USP31: variants seen among roughly 807,000 people sequenced by gnomAD.
The protein encoded by USP31 is ubiquitin carboxyl-terminal hydrolase 31.
USP31 carries 44 observed loss-of-function variants against 119.4 expected under a neutral mutation model. That is an observed-to-expected ratio of 0.37 (90% CI 0.29 to 0.47). The LOEUF is 0.47. Among genes scored for constraint, USP31 ranks in the 20% least tolerant of loss-of-function variants. USP31 has a pLI of 0.99. For synonymous variants in USP31, 749 were observed against 705.6 expected (o/e 1.06, Z -0.97); for missense variants, 1,643 against 1,730.2 (o/e 0.95, Z 0.89).
chr16:23,122,057 T>C (rs888772660), intron 1 of USP31, among the ~76,000 whole-genome samples: 1 of 152,200 alleles, frequency 6.6e-6, no homozygotes, highest in African/African-American at 2.4e-5. Flanking sequence ...GATATATGGT[T>C]TGATATCAAT....
At chr16:23,081,307 C>G (rs893349640) in intron 12 of USP31, among the ~76,000 whole-genome samples, 29 of 152,210 alleles carry the variant, frequency 1.9e-4, no homozygotes, top group African/African-American at 6.8e-4. Context: ...CCTCAGCCAG[C>G]TTTCCACCTG....
chr16:23,106,595 T>C, intron 2 of USP31, 108 bp from the exon 3 acceptor site: 2 of 1,140,588 alleles, frequency 1.8e-6, no homozygotes, highest in East Asian at 2.5e-5. Context: ...AAGCTATGCA[T>C]CAAGTGCAGA....
At chr16:23,117,724 TCTA>T (rs1902536448) in intron 1 of USP31, among the ~76,000 whole-genome samples, 1 of 151,992 alleles carries the variant, frequency 6.6e-6, no homozygotes. Context: ...AAGTTCTCAT[TCTA>T]CTACGTTTGA....
chr16:23,093,794 G>T (rs1567233268), intron 6 of USP31, among the ~76,000 whole-genome samples: 2 of 152,206 alleles, frequency 1.3e-5, no homozygotes, highest in Non-Finnish European at 2.9e-5. Context: ...CCCATCAATA[G>T]ATTAGTGGAT....
Position 23,065,977 on chromosome 16 carries a change from T to G in USP31, c.*2069A>C, listed in dbSNP as rs1900050701. ...TGATCTCTTATTTGGTGCATCTTTT[T>G]CAGGAGATAAAAGCGATACAGAAAA... is the stretch of plus-strand genomic sequence containing the variant. On this transcript the variant is annotated 3_prime_UTR_variant, in exon 16 of 16. Coordinates refer to ENST00000219689, the MANE Select transcript of USP31 (RefSeq NM_020718.4). The G allele has an allele frequency of 6.6e-6, 1 of 152,198 alleles. No individual in the cohort carries two copies. Among genetic ancestry groups the G allele is most frequent in the Admixed American group, 6.5e-5 (1 of 15,290 alleles). The allele number at this position is 152,198 out of a possible 1,614,324, so 9.4% of individuals were successfully genotyped here.
chr16:23,071,706 C>A (rs1235018941), intron 15 of USP31, among the ~76,000 whole-genome samples: 1 of 150,254 alleles, frequency 6.7e-6, no homozygotes, highest in Admixed American at 6.6e-5. Flanking sequence ...CACAATCTCT[C>A]TGAGCCTCTT....
chr16:23,098,616 A>C (rs990979109), intron 6 of USP31, among the ~76,000 whole-genome samples: 2 of 152,244 alleles, frequency 1.3e-5, no homozygotes, highest in Non-Finnish European at 2.9e-5. Flanking sequence ...ACTGGTACCA[A>C]CACAGAGATA....
chr16:23,083,272 A>G (rs960541326), intron 11 of USP31, among the ~76,000 whole-genome samples: 1 of 152,100 alleles, frequency 6.6e-6, no homozygotes, highest in African/African-American at 2.4e-5. Context: ...TACTGGCTTC[A>G]TTTCTGTTTG....
At position 23,148,755 on chromosome 16, in the gene USP31, C is replaced by T. The variant is rs1903610368; in HGVS notation, c.516G>A (p.Pro172=). 2 of 1,511,534 alleles carry T rather than the reference C, an allele frequency of 1.3e-6. No homozygotes were observed. The highest frequency in any genetic ancestry group is 2.9e-5 in the African/African-American group (2 of 69,074). 93.6% of individuals were successfully genotyped at this position (1,511,534 alleles called of 1,614,324 possible). A position where few individuals can be genotyped will look rare whatever the true frequency, so the allele number is the denominator to read the frequency against. The change falls in exon 1 of 16, where the codon CCG becomes CCA. Residue 172 remains proline, a synonymous_variant. Coordinates refer to ENST00000219689, the MANE Select transcript of USP31 (RefSeq NM_020718.4). ...GCGCGCCGCGGCCCGCAGGCTGCTC[C>T]GGGTCAGGCGAGGGCTCGGGCCGCC... ...RAGRPEPSPD[P]EQPAGRGAQG...
chr16:23,102,029 A>G (rs1901895677), intron 6 of USP31, among the ~76,000 whole-genome samples: 1 of 151,110 alleles, frequency 6.6e-6, no homozygotes, highest in Admixed American at 6.6e-5. Context: ...GAATGTCATG[A>G]TAAGATGCCA....
intron 5 of USP31, among the ~76,000 whole-genome samples, chr16:23,102,801 A>G (rs904386356): frequency 5.9e-5 from 9 of 152,248 alleles, no homozygotes; most frequent in African/African-American, 1.2e-4. Context: ...ACAATATAGC[A>G]TAACAACTAT....
intron 15 of USP31, among the ~76,000 whole-genome samples, chr16:23,071,115 A>C (rs1567224509): frequency 6.6e-6 from 1 of 152,190 alleles, no homozygotes; most frequent in Admixed American, 6.5e-5. Context: ...TTGCAGTCCA[A>C]TGTTTTTATT....
At chr16:23,095,268 G>A (rs1448941257) in intron 6 of USP31, among the ~76,000 whole-genome samples, 1 of 152,140 alleles carries the variant, frequency 6.6e-6, no homozygotes, top group African/African-American at 2.4e-5. Context: ...TCAAATTAAT[G>A]AAATAAAGCA....
At chr16:23,075,498 C>A (rs1900528679) in intron 13 of USP31, among the ~76,000 whole-genome samples, 1 of 152,156 alleles carries the variant, frequency 6.6e-6, no homozygotes, top group Non-Finnish European at 1.5e-5. Context: ...ATTCTCTAGG[C>A]CAGTGCTACT....
At chr16:23,120,355 T>C (rs996608464) in intron 1 of USP31, among the ~76,000 whole-genome samples, 3 of 152,212 alleles carry the variant, frequency 2.0e-5, no homozygotes, top group Non-Finnish European at 2.9e-5. Flanking sequence ...AAGCATCAAG[T>C]TGTACACTTT....
chr16:23,101,970 TAAAAAAAAAAAAAAA>T (rs34773118), intron 6 of USP31, among the ~76,000 whole-genome samples: 3 of 85,530 alleles, frequency 3.5e-5, no homozygotes, highest in African/African-American at 1.4e-4. Context: ...TAGCAAAATT[TAAAAAAAAAAAAAAA>T]AAAAAAAAAA....
At chr16:23,082,673 A>G in intron 11 of USP31, 116 bp from the exon 12 acceptor site, 1 of 1,376,856 alleles carries the variant, frequency 7.3e-7, no homozygotes, top group Non-Finnish European at 1.0e-6. Context: ...TAAACCGCAG[A>G]TGCTGGGCAT....
intron 7 of USP31, among the ~76,000 whole-genome samples, chr16:23,088,090 C>T (rs906245712): frequency 3.9e-5 from 6 of 152,038 alleles, no homozygotes; most frequent in Admixed American, 2.0e-4. Flanking sequence ...CAGGTGGCAA[C>T]GGGGCAGGAT....
chr16:23,082,294 G>C, intron 12 of USP31, 144 bp downstream of exon 12: 1 of 1,105,676 alleles, frequency 9.0e-7, no homozygotes, highest in Non-Finnish European at 1.3e-6. Context: ...CTAAACACAG[G>C]GGCAAAAGTG....
Sources: allele counts gnomAD v4.1 joint callset (sites outside exome capture counted in the v4.1 genomes callset), GRCh38; gene constraint gnomAD v4.1.1; transcripts MANE v1.5; gene names NCBI Gene and HGNC (gene_info 2026-07-23, HGNC 2026-07-21).